Variants in CCSER1 observed in about 807,000 individuals in gnomAD.
CCSER1 encodes the protein serine-rich coiled-coil domain-containing protein 1.
In CCSER1, 41 loss-of-function variants were observed where a neutral mutation model predicts 82.0. The observed-to-expected ratio is 0.50, with a 90% CI of 0.39 to 0.65. CCSER1 has a LOEUF of 0.65. Among genes scored for constraint, CCSER1 ranks in the 30% least tolerant of loss-of-function variants. CCSER1 has a pLI of 0.00. For synonymous variants in CCSER1, 414 were observed against 383.9 expected, an observed-to-expected ratio of 1.08 and a Z score of -0.92; for missense variants, 1,119 against 1,064.2, an observed-to-expected ratio of 1.05 and a Z score of -0.72.
chr4:90,765,126 T>A (rs1211246936), intron 7 of CCSER1, among the ~76,000 whole-genome samples: 3 of 152,092 alleles, frequency 2.0e-5, no homozygotes, highest in African/African-American at 7.2e-5. Context: ...TCTTAGCAAA[T>A]AGGTCGCTAA....
At chr4:90,648,941 A>G (rs1326528447) in intron 6 of CCSER1, among the ~76,000 whole-genome samples, 1 of 152,228 alleles carries the variant, frequency 6.6e-6, no homozygotes, top group Non-Finnish European at 1.5e-5. Flanking sequence ...ACACGGTCTT[A>G]TAATATTAGT....
intron 4 of CCSER1, among the ~76,000 whole-genome samples, chr4:90,444,420 T>C (rs1009156472): frequency 6.6e-6 from 1 of 152,106 alleles, no homozygotes; most frequent in African/African-American, 2.4e-5. Flanking sequence ...GTTGTCATTT[T>C]TCTCATAGCT....
chr4:91,082,990 G>A (rs1310100399), intron 9 of CCSER1, among the ~76,000 whole-genome samples: 3 of 152,202 alleles, frequency 2.0e-5, no homozygotes, highest in Non-Finnish European at 4.4e-5. Context: ...AACCATTGTG[G>A]AAGACAGTGT....
intron 10 of CCSER1, among the ~76,000 whole-genome samples, chr4:91,532,469 TAAAC>T (rs374085957): frequency 6.6e-6 from 1 of 152,154 alleles, no homozygotes; most frequent in African/African-American, 2.4e-5. Context: ...TATACATACT[TAAAC>T]TAACTGGAAT....
At chr4:90,279,883 G>T (rs1429293609) in intron 1 of CCSER1, among the ~76,000 whole-genome samples, 1 of 151,970 alleles carries the variant, frequency 6.6e-6, no homozygotes, top group African/African-American at 2.4e-5. Context: ...TAGATGGCTT[G>T]TGAATGCTAG....
intron 8 of CCSER1, among the ~76,000 whole-genome samples, chr4:90,918,634 G>GATATATATATATATATATAT (rs1363853552): frequency 4.7e-4 from 70 of 148,934 alleles, no homozygotes; most frequent in East Asian, 3.0e-3. Context: ...GCTCATTCAA[G>GATATATATATATATATATAT]AGAGATATAT....
intron 10 of CCSER1, among the ~76,000 whole-genome samples, chr4:91,087,613 A>G (rs1723516513): frequency 6.6e-6 from 1 of 152,114 alleles, no homozygotes. Flanking sequence ...TTTAATGTAT[A>G]CATCTCCATA....
At chr4:90,250,505 G>A (rs1722203579) in intron 1 of CCSER1, among the ~76,000 whole-genome samples, 1 of 151,952 alleles carries the variant, frequency 6.6e-6, no homozygotes, top group Non-Finnish European at 1.5e-5. Context: ...TCTCACCCTT[G>A]TTAAAAATCA....
chr4:90,968,947 C>T (rs1734828368), intron 9 of CCSER1, among the ~76,000 whole-genome samples: 1 of 150,578 alleles, frequency 6.6e-6, no homozygotes, highest in Admixed American at 6.6e-5. Context: ...AATATATGAA[C>T]AAAATGTAAA....
intron 8 of CCSER1, among the ~76,000 whole-genome samples, chr4:90,821,618 A>G (rs1759729773): frequency 6.6e-6 from 1 of 152,168 alleles, no homozygotes; most frequent in Non-Finnish European, 1.5e-5. Context: ...GATTTAGACC[A>G]AAAGTCTAAA....
intron 8 of CCSER1, among the ~76,000 whole-genome samples, chr4:90,884,870 G>A (rs1466016538): frequency 2.0e-5 from 3 of 152,026 alleles, no homozygotes; most frequent in African/African-American, 7.2e-5. Flanking sequence ...GCAATGGGCA[G>A]ATAAAGAAGG....
chr4:91,185,968 G>A (rs1278837240), intron 10 of CCSER1, among the ~76,000 whole-genome samples: 5 of 152,144 alleles, frequency 3.3e-5, no homozygotes, highest in African/African-American at 4.8e-5. Flanking sequence ...AAAGCAATAG[G>A]CTCAAATGTA....
rs527659057 is a variant in CCSER1 at position 90,693,829 on chromosome 4, G to T, written c.1933-30085G>T. Among the ~76,000 whole-genome samples the T allele has an allele frequency of 4.0e-5, 6 of 151,650 alleles. No individual in the cohort carries two copies. In the South Asian group the frequency reaches 1.3e-3, roughly 32 times the overall value. ...ACCACAGCCAATCACTTTCTTAAGT[G>T]TCTAATGCATATTTTGCACAATGCT... On this transcript the variant is annotated intron_variant, in intron 6 of 10. Coordinates refer to ENST00000509176, the MANE Select transcript of CCSER1 (RefSeq NM_001145065.2).
chr4:90,915,130 A>G (rs1185952926), intron 8 of CCSER1, among the ~76,000 whole-genome samples: 2 of 152,196 alleles, frequency 1.3e-5, no homozygotes, highest in Non-Finnish European at 2.9e-5. Context: ...ATTCCAATCA[A>G]TAGAAAAAGA....
At chr4:90,153,030 C>A (rs1279210923) in intron 1 of CCSER1, among the ~76,000 whole-genome samples, 2 of 100,742 alleles carry the variant, frequency 2.0e-5, no homozygotes, top group South Asian at 4.4e-4. Context: ...TGCTATCCCT[C>A]CCCCCTCCCC....
chr4:90,224,487 T>C (rs1035806045), intron 1 of CCSER1, among the ~76,000 whole-genome samples: 1 of 152,214 alleles, frequency 6.6e-6, no homozygotes, highest in African/African-American at 2.4e-5. Flanking sequence ...TTTTAGATAG[T>C]TTGTTCATCA....
chr4:90,857,383 C>T (rs143965242), intron 8 of CCSER1, among the ~76,000 whole-genome samples: 33 of 152,094 alleles, frequency 2.2e-4, no homozygotes, highest in Non-Finnish European at 2.9e-4. Context: ...CCATATGTAA[C>T]GGACAAAATG....
chr4:91,260,609 G>A (rs568550939), intron 10 of CCSER1, among the ~76,000 whole-genome samples: 30 of 152,188 alleles, frequency 2.0e-4, no homozygotes, highest in Non-Finnish European at 3.8e-4. Context: ...TTCCAAAACC[G>A]CTGTTGTTCG....
chr4:91,003,826 C>G (rs768877744), intron 9 of CCSER1, among the ~76,000 whole-genome samples: 57 of 152,298 alleles, frequency 3.7e-4, no homozygotes, highest in Non-Finnish European at 6.2e-4. Flanking sequence ...TCTGGCTGCC[C>G]TCCCCAAGGG....
Sources: allele counts gnomAD v4.1 joint callset (sites outside exome capture counted in the v4.1 genomes callset), GRCh38; gene constraint gnomAD v4.1.1; transcripts MANE v1.5; gene names NCBI Gene and HGNC (gene_info 2026-07-23, HGNC 2026-07-21).